Variants in KHDRBS3 observed in about 807,000 individuals in gnomAD.
The protein encoded by KHDRBS3 is KH RNA binding domain containing, signal transduction associated 3.
A neutral mutation model predicts 45.6 loss-of-function variants in KHDRBS3; 23 were observed. The observed-to-expected ratio is 0.50, with a 90% CI of 0.36 to 0.72. KHDRBS3 has a LOEUF of 0.72. Among genes scored for constraint, KHDRBS3 ranks in the 30% least tolerant of loss-of-function variants. KHDRBS3 has a pLI of 0.00. For synonymous variants in KHDRBS3, 162 were observed against 156.5 expected, an observed-to-expected ratio of 1.04 and a Z score of -0.26; for missense variants, 352 against 424.8, an observed-to-expected ratio of 0.83 and a Z score of 1.51.
intron 5 of KHDRBS3, among the ~76,000 whole-genome samples, chr8:135,565,492 CTG>C (rs1487027239): frequency 6.6e-6 from 1 of 152,100 alleles, no homozygotes; most frequent in Non-Finnish European, 1.5e-5. Flanking sequence ...TTTTTTTAGA[CTG>C]TTTAAGCAGA....
chr8:135,597,988 T>C (rs1173910954), intron 6 of KHDRBS3, among the ~76,000 whole-genome samples: 3 of 152,218 alleles, frequency 2.0e-5, no homozygotes, highest in African/African-American at 7.2e-5. Context: ...TCTACCTCAG[T>C]TGGATATGAA....
chr8:135,540,710 G>C (rs1463103871), intron 2 of KHDRBS3: 2 of 152,250 alleles, frequency 1.3e-5, no homozygotes, highest in African/African-American at 4.8e-5. Context: ...CTTCAGGGAA[G>C]TGCCTCGCCC....
At chr8:135,474,721 G>C (rs907347540) in intron 1 of KHDRBS3, among the ~76,000 whole-genome samples, 5 of 152,184 alleles carry the variant, frequency 3.3e-5, no homozygotes, top group African/African-American at 7.2e-5. Flanking sequence ...TGTTCTCTGA[G>C]ACCTATTTGA....
intron 2 of KHDRBS3, among the ~76,000 whole-genome samples, chr8:135,536,203 T>TAGACTTC (rs1586680270): frequency 6.7e-6 from 1 of 148,370 alleles, no homozygotes; most frequent in East Asian, 2.0e-4. Context: ...TTTTTGCCCA[T>TAGACTTC]AGACTTCAGT....
chr8:135,649,559 C>CA (rs1323671141), downstream of KHDRBS3, among the ~76,000 whole-genome samples: 1 of 151,934 alleles, frequency 6.6e-6, no homozygotes, highest in Non-Finnish European at 1.5e-5. Flanking sequence ...TTTTGTAGAC[C>CA]AAACTAAGTT....
chr8:135,574,270 G>A (rs2130897661), intron 5 of KHDRBS3, among the ~76,000 whole-genome samples: 1 of 120,100 alleles, frequency 8.3e-6, no homozygotes, highest in African/African-American at 2.8e-5. Flanking sequence ...TCTTCCACCA[G>A]TGTCATCTAA....
chr8:135,506,979 A>C (rs1483746238), intron 1 of KHDRBS3, among the ~76,000 whole-genome samples: 5 of 152,010 alleles, frequency 3.3e-5, no homozygotes, highest in Non-Finnish European at 7.4e-5. Context: ...GTGCTCTTCA[A>C]CTTTTTTCTA....
chr8:135,548,077 C>G (rs1022174714), intron 3 of KHDRBS3, among the ~76,000 whole-genome samples: 6 of 152,032 alleles, frequency 3.9e-5, no homozygotes, highest in Non-Finnish European at 8.8e-5. Context: ...GAATATAGTG[C>G]TTGGTATGTA....
chr8:135,460,402 G>GCCGCC (rs1227904604), intron 1 of KHDRBS3, among the ~76,000 whole-genome samples: 1 of 152,126 alleles, frequency 6.6e-6, no homozygotes, highest in African/African-American at 2.4e-5. Flanking sequence ...CTTGCATTCC[G>GCCGCC]GTAAGGCAGA....
intron 7 of KHDRBS3, among the ~76,000 whole-genome samples, chr8:135,622,069 C>T (rs1355281497): frequency 2.0e-5 from 3 of 152,016 alleles, no homozygotes; most frequent in African/African-American, 7.2e-5. Context: ...TGATATTTTC[C>T]GTATAATTAC....
intron 1 of KHDRBS3, among the ~76,000 whole-genome samples, chr8:135,502,269 C>T (rs1258819910): frequency 6.6e-6 from 1 of 152,118 alleles, no homozygotes; most frequent in African/African-American, 2.4e-5. Context: ...ATCTGTCTAC[C>T]TTTTCACTTT....
At chr8:135,575,664 G>A (rs963116959) in intron 5 of KHDRBS3, among the ~76,000 whole-genome samples, 4 of 151,768 alleles carry the variant, frequency 2.6e-5, no homozygotes, top group Non-Finnish European at 1.5e-5. Flanking sequence ...TTTTTTTAAT[G>A]TACTTAGTAT....
intron 1 of KHDRBS3, among the ~76,000 whole-genome samples, chr8:135,469,560 G>A (rs528758285): frequency 8.3e-6 from 1 of 120,818 alleles, no homozygotes; most frequent in Non-Finnish European, 1.6e-5. Flanking sequence ...GACGAGTCTC[G>A]CTTCTTCACC....
At chr8:135,642,017 C>G (rs1225583331) in intron 7 of KHDRBS3, among the ~76,000 whole-genome samples, 1 of 152,200 alleles carries the variant, frequency 6.6e-6, no homozygotes, top group Non-Finnish European at 1.5e-5. Context: ...ATTAGGACTA[C>G]AGAAAGGAAG....
At chr8:135,517,449 C>T (rs1048585769) in intron 1 of KHDRBS3, among the ~76,000 whole-genome samples, 13 of 152,004 alleles carry the variant, frequency 8.6e-5, no homozygotes, top group Non-Finnish European at 1.6e-4. Flanking sequence ...TTTGAATATG[C>T]AACTCTCAGT....
intron 8 of KHDRBS3, 57 bp downstream of exon 8, chr8:135,645,174 C>T (rs1831233549): frequency 1.3e-6 from 2 of 1,555,896 alleles, no homozygotes; most frequent in Non-Finnish European, 1.8e-6. Context: ...GTAGAAAGAC[C>T]TTAAAGATAT....
At chr8:135,460,739 T>G (rs1457007242) in intron 1 of KHDRBS3, among the ~76,000 whole-genome samples, 2 of 152,238 alleles carry the variant, frequency 1.3e-5, no homozygotes, top group African/African-American at 4.8e-5. Context: ...CACGGTAGAT[T>G]TATCTTCCAG....
rs922604856 is a variant in KHDRBS3, at chr8:135,639,897, G to T, written c.891-5162G>T. ...CCCACCAGGCCCCACCTCCAACACG[G>T]GGGATTGCATTTCCACATGAGATTT... On this transcript the variant is annotated intron_variant, in intron 7 of 8. Transcript: ENST00000355849. 8.5e-5 allele frequency among the ~76,000 whole-genome samples: 13 copies of T among 152,170 alleles called. No individual in the cohort carries two copies. In the East Asian group the frequency reaches 2.3e-3, roughly 27 times the overall value.
intron 7 of KHDRBS3, among the ~76,000 whole-genome samples, chr8:135,637,168 G>T (rs1045536922): frequency 6.6e-5 from 10 of 152,132 alleles, no homozygotes; most frequent in East Asian, 1.9e-4. Context: ...GATAAGTAAG[G>T]CTCTTATTGA....
Sources: gnomAD v4.1 joint callset for allele counts (sites outside exome capture counted in the v4.1 genomes callset) on GRCh38, gnomAD v4.1.1 for gene constraint, MANE v1.5 for transcripts, NCBI Gene and HGNC (gene_info 2026-07-23, HGNC 2026-07-21) for gene names.